The following CNTNAP2 variants were observed in gnomAD, a reference collection of about 807,000 sequenced individuals.
CNTNAP2 encodes contactin associated protein 2.
A neutral mutation model predicts 155.2 loss-of-function variants in CNTNAP2; 98 were observed. The ratio of observed to expected loss-of-function variants is 0.63; its 90% CI spans 0.54 to 0.75. The LOEUF (loss-of-function observed/expected upper bound fraction) is 0.75. Ranked by LOEUF, CNTNAP2 falls within the 30% of genes least tolerant of loss-of-function variation. The pLI is 0.00. For synonymous variants in CNTNAP2, 651 were observed against 631.2 expected, an observed-to-expected ratio of 1.03 and a Z score of -0.47; for missense variants, 1,727 against 1,688.1, an observed-to-expected ratio of 1.02 and a Z score of -0.40.
intron 1 of CNTNAP2, among the ~76,000 whole-genome samples, chr7:146,304,424 T>A (rs936413256): frequency 6.6e-6 from 1 of 152,106 alleles, no homozygotes; most frequent in Non-Finnish European, 1.5e-5. Context: ...TTCCTTTCCA[T>A]GTTTAGTGCT....
chr7:147,388,848 G>A (rs1796664316), intron 9 of CNTNAP2, among the ~76,000 whole-genome samples: 1 of 152,184 alleles, frequency 6.6e-6, no homozygotes, highest in South Asian at 2.1e-4. Flanking sequence ...CCAAAGTGCT[G>A]AGATTACAGG....
At chr7:147,787,624 T>C (rs1525253) in intron 13 of CNTNAP2, among the ~76,000 whole-genome samples, 22,700 of 152,154 alleles carry the variant, frequency 0.15, 1,983 homozygotes, top group Middle Eastern at 0.32. Context: ...TATGAGGAGG[T>C]AATTTTTTAA....
At chr7:148,322,134 G>C (rs1462553458) in intron 21 of CNTNAP2, among the ~76,000 whole-genome samples, 1 of 151,984 alleles carries the variant, frequency 6.6e-6, no homozygotes, top group Non-Finnish European at 1.5e-5. Context: ...TGTCGGCCAG[G>C]CTGCTCTCGA....
intron 1 of CNTNAP2, among the ~76,000 whole-genome samples, chr7:146,442,495 T>G (rs1489690545): frequency 6.6e-6 from 1 of 152,020 alleles, no homozygotes; most frequent in Non-Finnish European, 1.5e-5. Flanking sequence ...TGAAACACCT[T>G]CCTCCAAATC....
intron 1 of CNTNAP2, among the ~76,000 whole-genome samples, chr7:146,535,541 A>T (rs1431572599): frequency 6.9e-6 from 1 of 145,616 alleles, no homozygotes; most frequent in Non-Finnish European, 1.5e-5. Context: ...TTAAACTTTA[A>T]ACTTTCTAAT....
intron 18 of CNTNAP2, among the ~76,000 whole-genome samples, chr7:148,197,644 T>C (rs1795297533): frequency 6.6e-6 from 1 of 152,158 alleles, no homozygotes; most frequent in South Asian, 2.1e-4. Context: ...ATTATACCAA[T>C]GACCCACACA....
intron 4 of CNTNAP2, among the ~76,000 whole-genome samples, chr7:147,100,773 A>C (rs1008541841): frequency 3.3e-5 from 5 of 152,220 alleles, no homozygotes; most frequent in African/African-American, 1.2e-4. Flanking sequence ...TTTCAAACCT[A>C]AATGATGTTT....
chr7:146,915,236 A>G (rs751517350), intron 3 of CNTNAP2, among the ~76,000 whole-genome samples: 1 of 152,024 alleles, frequency 6.6e-6, no homozygotes, highest in Non-Finnish European at 1.5e-5. Flanking sequence ...AGGTTGAAGT[A>G]GGGTAATGTA....
intron 1 of CNTNAP2, among the ~76,000 whole-genome samples, chr7:146,766,356 T>C (rs917138104): frequency 5.3e-5 from 8 of 152,160 alleles, no homozygotes; most frequent in Non-Finnish European, 2.9e-5. Context: ...ACACAAAATA[T>C]TGAAATTCCT....
At chr7:146,678,047 A>G (rs344457) in intron 1 of CNTNAP2, among the ~76,000 whole-genome samples, 111,124 of 151,940 alleles carry the variant, frequency 0.73, 41,610 homozygotes, top group South Asian at 0.89. Context: ...ATTTATACAC[A>G]TATAAATGGC....
chr7:147,357,591 C>T (rs1248818984), intron 9 of CNTNAP2, among the ~76,000 whole-genome samples: 7 of 152,008 alleles, frequency 4.6e-5, no homozygotes, highest in African/African-American at 1.7e-4. Context: ...GTCTTCTGCT[C>T]CTTAATTAGC....
intron 10 of CNTNAP2, among the ~76,000 whole-genome samples, chr7:147,422,937 G>C (rs1193308046): frequency 6.6e-6 from 1 of 152,150 alleles, no homozygotes; most frequent in Non-Finnish European, 1.5e-5. Flanking sequence ...CTGCATACAA[G>C]TTGGCAAAAG....
At chr7:146,443,976 T>A (rs1796364671) in intron 1 of CNTNAP2, among the ~76,000 whole-genome samples, 1 of 152,198 alleles carries the variant, frequency 6.6e-6, no homozygotes, top group African/African-American at 2.4e-5. Flanking sequence ...TTAATCCATA[T>A]CCCATTTTCT....
At chr7:147,612,810 T>C (rs929255095) in intron 12 of CNTNAP2, among the ~76,000 whole-genome samples, 2 of 152,234 alleles carry the variant, frequency 1.3e-5, no homozygotes. Flanking sequence ...TAAATGCTCC[T>C]CTTACTTGCA....
intron 6 of CNTNAP2, chr7:147,122,983 T>C (rs980653953): frequency 6.6e-6 from 1 of 152,184 alleles, no homozygotes; most frequent in Non-Finnish European, 1.5e-5. Flanking sequence ...AAATAGTTTC[T>C]AGTTTTTTGC....
chr7:146,165,039 T>C (rs1251664271), intron 1 of CNTNAP2, among the ~76,000 whole-genome samples: 1 of 152,168 alleles, frequency 6.6e-6, no homozygotes, highest in African/African-American at 2.4e-5. Context: ...AGTTTGGAAT[T>C]AAAATACGGT....
chr7:146,141,410 T>C (rs2116757551), intron 1 of CNTNAP2, among the ~76,000 whole-genome samples: 1 of 152,170 alleles, frequency 6.6e-6, no homozygotes, highest in African/African-American at 2.4e-5. Flanking sequence ...ATGGATTTAC[T>C]TCAGGCTGAG....
chr7:147,995,794 T>C (rs1464189349), intron 15 of CNTNAP2, among the ~76,000 whole-genome samples: 2 of 152,154 alleles, frequency 1.3e-5, no homozygotes, highest in East Asian at 1.9e-4. Context: ...ATTACAGGCA[T>C]GAGCCACTGT....
chr7:148,243,617 C>T (rs1796199160), intron 20 of CNTNAP2, among the ~76,000 whole-genome samples: 1 of 151,978 alleles, frequency 6.6e-6, no homozygotes, highest in Admixed American at 6.6e-5. Flanking sequence ...CCCGTCAGAT[C>T]TCGTGAGACT....
Sources: allele counts gnomAD v4.1 joint callset (sites outside exome capture counted in the v4.1 genomes callset), GRCh38; gene constraint gnomAD v4.1.1; transcripts MANE v1.5; gene names NCBI Gene and HGNC (gene_info 2026-07-23, HGNC 2026-07-21).